HELZ2: variants seen among roughly 807,000 people sequenced by gnomAD.
HELZ2 encodes helicase with zinc finger 2.
HELZ2 carries 143 observed loss-of-function variants against 208.8 expected under a neutral mutation model. The observed-to-expected ratio is 0.68, with a 90% confidence interval of 0.60 to 0.79. The LOEUF is 0.79. Among genes scored for constraint, HELZ2 ranks in the 30% least tolerant of loss-of-function variants. The probability of loss-of-function intolerance (pLI) is 0.00; values close to 1 mark genes in which losing one functional copy is unlikely to be tolerated. For synonymous variants in HELZ2, 1,705 were observed against 1,693.7 expected, an observed-to-expected ratio of 1.01 and a Z score of -0.16; for missense variants, 3,690 against 3,794.5, an observed-to-expected ratio of 0.97 and a Z score of 0.72.
Position 63,562,381 on chromosome 20 carries a change from G to A in HELZ2, c.6304C>T (p.Arg2102Cys), listed in dbSNP as rs373877868. The A allele has an allele frequency of 9.0e-5, 142 of 1,581,318 alleles. No homozygotes were observed. The Middle Eastern group carries it at 1.5e-3, about 17-fold the overall frequency. ...AGTCCACGCACGGCTTCCTCCTTGC[G>A]GCTGGGGGTGAAGGCAGACACTGGA... The change falls in exon 9 of 19, where the codon CGC becomes TGC. Residue 2102 changes from arginine (R) to cysteine (C), a missense_variant and splice_region_variant. Arg to Cys is a radical substitution (Grantham distance 180). Coordinates refer to ENST00000467148, the Ensembl canonical transcript of HELZ2.
chr20:63,568,392 C>T lies in HELZ2; in HGVS notation c.1696G>A (p.Glu566Lys). 1.2e-6 allele frequency: 2 copies of T among 1,610,748 alleles called. No individual in the cohort carries two copies. The highest frequency in any genetic ancestry group is 1.3e-5 in the African/African-American group (1 of 75,062). Residue 566 changes from glutamate (E) to lysine (K), a missense_variant, in exon 5 of 19, where the codon GAA becomes AAA. Physicochemically the swap from Glu to Lys is moderately conservative, Grantham distance 56 (BLOSUM62 1). Around this residue, in one of 3 missense-constraint regions of HELZ2, gnomAD observed 1,119 missense variants for 1,193.4 expected, o/e 0.94. Coordinates refer to ENST00000467148, the Ensembl canonical transcript of HELZ2. ...TGTGTGCAGATGAGCACCTTGGTTT[C>T]AGGCCTCCGGATGACCTCCAGGGAG...
At chr20:63,572,432 C>G in exon 1 of HELZ2, 1 of 1,446,256 alleles carries the variant, frequency 6.9e-7, no homozygotes. Context: ...CCCACGCCAG[C>G]ACGGCTGCCC....
At chr20:63,561,537 C>T (rs2082886822) in intron 12 of HELZ2, 64 bp downstream of exon 13, 3 of 1,574,094 alleles carry the variant, frequency 1.9e-6, no homozygotes, top group Non-Finnish European at 2.6e-6. Context: ...TGAGACCCAC[C>T]TACACAGGAC....
At chr20:63,559,031 G>A (rs2082846065), downstream of HELZ2, 2 of 525,136 alleles carry the variant, frequency 3.8e-6, no homozygotes, top group Non-Finnish European at 6.7e-6. Context: ...CACCCTGAGA[G>A]GTGTTCCTGT....
At chr20:63,566,178 G>A in exon 8 of HELZ2, 1 of 1,523,876 alleles carries the variant, frequency 6.6e-7, no homozygotes, top group South Asian at 1.2e-5. Flanking sequence ...CCAGGGCTGA[G>A]CAGGCTCTGG....
intron 4 of HELZ2, 48 bp downstream of exon 5, chr20:63,569,100 C>T (rs763588192): frequency 6.3e-7 from 1 of 1,581,692 alleles, no homozygotes; most frequent in Admixed American, 1.9e-5. Context: ...GCTCCCATTG[C>T]CCCAGCTGCT....
At chr20:63,570,132 T>C (rs1265665678) in intron 3 of HELZ2, 13 of 340,830 alleles carry the variant, frequency 3.8e-5, no homozygotes, top group South Asian at 1.9e-4. Context: ...TTTTTTTTTT[T>C]TTTTTTCAGT....
exon 19 of HELZ2, chr20:63,559,352 C>G (rs756848753): frequency 1.9e-6 from 3 of 1,598,514 alleles, no homozygotes; most frequent in Non-Finnish European, 2.6e-6. Flanking sequence ...GGGGCAGCAG[C>G]GCAGAAGGAG....
chr20:63,561,554 G>C, intron 12 of HELZ2, 47 bp downstream of exon 13: 5 of 1,579,456 alleles, frequency 3.2e-6, no homozygotes, highest in Non-Finnish European at 4.3e-6. Flanking sequence ...GGACTGTCTG[G>C]ACAGCTCGGC....
At chr20:63,562,682 T>G (rs888159654) in exon 8 of HELZ2, 2 of 1,598,742 alleles carry the variant, frequency 1.3e-6, no homozygotes, top group Non-Finnish European at 1.7e-6. Context: ...GTCCTGCGTC[T>G]GCCCGTGGGC....
chr20:63,560,026 G>T, exon 18 of HELZ2: 1 of 1,611,886 alleles, frequency 6.2e-7, no homozygotes, highest in South Asian at 1.1e-5. Context: ...GCTCTTGGTG[G>T]GCCGCTGGTC....
chr20:63,560,008 T>C (rs2082867795), exon 18 of HELZ2: 1 of 1,612,284 alleles, frequency 6.2e-7, no homozygotes, highest in Non-Finnish European at 8.5e-7. Flanking sequence ...CAGAAACTTC[T>C]TGAGCCAGCT....
At chr20:63,568,947 G>C in exon 5 of HELZ2, 1 of 1,606,566 alleles carries the variant, frequency 6.2e-7, no homozygotes, top group South Asian at 1.1e-5. Context: ...AGCATGTTCA[G>C]CGCTGGCGTC....
exon 6 of HELZ2, chr20:63,567,469 A>G: frequency 6.4e-7 from 1 of 1,557,194 alleles, no homozygotes; most frequent in Non-Finnish European, 8.7e-7. Flanking sequence ...GGGCGGGCGG[A>G]AAGCCTGGCG....
chr20:63,565,405 G>C, exon 8 of HELZ2: 1 of 1,610,794 alleles, frequency 6.2e-7, no homozygotes, highest in Non-Finnish European at 8.5e-7. Flanking sequence ...ACGCCCGCTC[G>C]AAGGTCTCTG....
At chr20:63,565,957 C>T (rs1174272617) in exon 8 of HELZ2, 9 of 1,599,224 alleles carry the variant, frequency 5.6e-6, no homozygotes, top group South Asian at 1.1e-5. Context: ...GTCTCTGCGC[C>T]ACACCCTGCT....
At chr20:63,563,020 C>G (rs1449145949) in exon 8 of HELZ2, 2 of 1,600,944 alleles carry the variant, frequency 1.2e-6, no homozygotes, top group African/African-American at 2.7e-5. Context: ...CGTCGCGGTA[C>G]CGGTCCCTCG....
At chr20:63,564,687 C>A in exon 8 of HELZ2, 2 of 1,593,510 alleles carry the variant, frequency 1.3e-6, no homozygotes, top group Non-Finnish European at 1.7e-6. Flanking sequence ...TCCCTGGGCA[C>A]GAAGCTGGCC....
chr20:63,569,724 G>A, intron 3 of HELZ2, 59 bp from the exon 5 acceptor site: 2 of 1,443,546 alleles, frequency 1.4e-6, no homozygotes, highest in East Asian at 2.5e-5. Context: ...CTCCCGAGAG[G>A]CAGCCTGGCC....
Sources: gnomAD v4.1 joint callset for allele counts on GRCh38, gnomAD v4.1.1 for gene constraint, gnomAD v4.1.1 regional missense constraint, MANE v1.5 for transcripts, NCBI Gene and HGNC (gene_info 2026-07-23, HGNC 2026-07-21) for gene names.